Variants in NFE2L3 observed in about 807,000 individuals in gnomAD.
The protein encoded by NFE2L3 is nuclear factor erythroid 2-related factor 3.
NFE2L3 carries 18 observed loss-of-function variants against 23.5 expected under a neutral mutation model. That is an observed-to-expected ratio of 0.77 (90% CI 0.53 to 1.13). NFE2L3 has a LOEUF of 1.13. Ranked by LOEUF, NFE2L3 falls within the 50% of genes most tolerant of loss-of-function variation. The probability of loss-of-function intolerance (pLI) is 0.00; values close to 1 mark genes in which losing one functional copy is unlikely to be tolerated. For synonymous variants in NFE2L3, 424 were observed against 354.5 expected (o/e 1.20, Z -2.20); for missense variants, 1,152 against 877.2 (o/e 1.31, Z -3.96).
intron 1 of NFE2L3, among the ~76,000 whole-genome samples, chr7:26,176,536 A>T (rs79472235): frequency 0.26 from 20,131 of 76,128 alleles, 2,645 homozygotes; most frequent in South Asian, 0.33. Context: ...CGCTCCTCAC[A>T]TCCCAGACGG....
chr7:26,153,433 G>C (rs1784030352), intron 1 of NFE2L3, among the ~76,000 whole-genome samples: 1 of 152,160 alleles, frequency 6.6e-6, no homozygotes, highest in Non-Finnish European at 1.5e-5. Flanking sequence ...ACCCGTGCCC[G>C]ACCTGGACGA....
chr7:26,173,038 CATTT>C (rs746651276), intron 1 of NFE2L3, among the ~76,000 whole-genome samples: 3 of 151,706 alleles, frequency 2.0e-5, no homozygotes, highest in Non-Finnish European at 2.9e-5. Flanking sequence ...CTTTTTCCTT[CATTT>C]ATTTGTTTAT....
At chr7:26,175,859 T>C (rs998850226) in intron 1 of NFE2L3, among the ~76,000 whole-genome samples, 18 of 149,894 alleles carry the variant, frequency 1.2e-4, no homozygotes, top group South Asian at 6.3e-4. Context: ...TTTTCTTTTT[T>C]TTTTTTTTTT....
intron 1 of NFE2L3, among the ~76,000 whole-genome samples, chr7:26,159,648 A>G (rs1318985230): frequency 6.6e-6 from 1 of 152,244 alleles, no homozygotes; most frequent in Non-Finnish European, 1.5e-5. Flanking sequence ...ACTAGAAAGT[A>G]GGTCAGATCT....
intron 3 of NFE2L3, 63 bp from the exon 4 acceptor site, chr7:26,184,470 G>GT (rs1040114859): frequency 1.4e-6 from 2 of 1,448,500 alleles, no homozygotes; most frequent in African/African-American, 1.4e-5. Flanking sequence ...AAGTTGTTAG[G>GT]TAATAGAACT....
chr7:26,177,464 G>A (rs1456936933), intron 1 of NFE2L3, among the ~76,000 whole-genome samples: 1 of 152,210 alleles, frequency 6.6e-6, no homozygotes, highest in Non-Finnish European at 1.5e-5. Flanking sequence ...AGGCATGGCG[G>A]CGCGTCCCTG....
intron 2 of NFE2L3, among the ~76,000 whole-genome samples, chr7:26,178,751 C>G (rs1458173927): frequency 2.0e-5 from 3 of 152,182 alleles, no homozygotes; most frequent in African/African-American, 7.2e-5. Flanking sequence ...TTGGGCTGTA[C>G]TCTGATTTCT....
rs535281445 is a variant in NFE2L3, at chr7:26,179,825, G to C, written c.750+1703G>C. Among the ~76,000 whole-genome samples the C allele has an allele frequency of 3.9e-5, 6 of 152,296 alleles. No homozygotes were observed. In the South Asian group the frequency reaches 1.2e-3, roughly 32 times the overall value. On this transcript the variant is annotated intron_variant, in intron 2 of 3. Transcript: ENST00000056233. ...AGGGTGTGGGGTGCTAAGAACATAG[G>C]AAATTGTTTCTCTTGACCACGCGAT...
At chr7:26,176,435 G>C (rs900619746) in intron 1 of NFE2L3, among the ~76,000 whole-genome samples, 1 of 152,244 alleles carries the variant, frequency 6.6e-6, no homozygotes, top group Non-Finnish European at 1.5e-5. Flanking sequence ...AGATTGCACA[G>C]CAGCCAGGCA....
chr7:26,152,374 T>A lies in NFE2L3; in HGVS notation c.-125T>A. The stretch of plus-strand genomic sequence containing the variant: ...GACGGCCGCCACGCGCCCCGGTCCA[T>A]TGTTTCGCTTATCTGGGTTCCAGGC... On this transcript the variant is annotated 5_prime_UTR_variant, in exon 1 of 4. The change creates a new upstream start codon in the 5' untranslated region. Transcript: ENST00000056233. This position sits in a 1 kb window ranked among gnomAD's most constrained non-coding sequence, Gnocchi z 4.4. 1 of 526,594 alleles carries A rather than the reference T, an allele frequency of 1.9e-6. No homozygotes were observed. Among genetic ancestry groups the A allele is most frequent in the Non-Finnish European group, 2.6e-6 (1 of 379,124 alleles). The allele number at this position is 526,594 out of a possible 1,614,324, so 32.6% of individuals were successfully genotyped here. A position where few individuals can be genotyped will look rare whatever the true frequency, so the allele number is the denominator to read the frequency against.
chr7:26,186,021 T>A lies in NFE2L3; in HGVS notation c.*238T>A. The A allele has an allele frequency of 2.7e-6, 1 of 369,190 alleles. No homozygotes were observed. Among genetic ancestry groups the A allele is most frequent in the Non-Finnish European group, 4.9e-6 (1 of 205,876 alleles). The allele number at this position is 369,190 out of a possible 1,614,324, so 22.9% of individuals were successfully genotyped here. A position where few individuals can be genotyped will look rare whatever the true frequency, so the allele number is the denominator to read the frequency against. On this transcript the variant is annotated 3_prime_UTR_variant, in exon 4 of 4. Coordinates refer to ENST00000056233, the MANE Select transcript of NFE2L3 (RefSeq NM_004289.7). ...TGAAGTGCATTGTATACAAAATTCA[T>A]AGTTATGTCCAAAGAATAGGTTAAC... is the stretch of plus-strand genomic sequence containing the variant.
At chr7:26,172,751 C>T (rs899380231) in intron 1 of NFE2L3, among the ~76,000 whole-genome samples, 2 of 152,142 alleles carry the variant, frequency 1.3e-5, no homozygotes, top group African/African-American at 4.8e-5. Flanking sequence ...GGTATTGTGT[C>T]CTCCATATCA....
chr7:26,154,086 T>G (rs1459246243), intron 1 of NFE2L3, among the ~76,000 whole-genome samples: 1 of 152,208 alleles, frequency 6.6e-6, no homozygotes, highest in Non-Finnish European at 1.5e-5. Flanking sequence ...TGTAGGCTGT[T>G]GCCAGACAAG....
chr7:26,180,284 C>T (rs1784483341), intron 2 of NFE2L3, among the ~76,000 whole-genome samples: 1 of 152,148 alleles, frequency 6.6e-6, no homozygotes, highest in African/African-American at 2.4e-5. Flanking sequence ...CCAAGGAACC[C>T]TCCCATTTTC....
intron 2 of NFE2L3, among the ~76,000 whole-genome samples, chr7:26,182,297 C>T (rs1481674235): frequency 4.4e-5 from 6 of 137,144 alleles, no homozygotes; most frequent in African/African-American, 1.6e-4. Flanking sequence ...ATATTTTTAC[C>T]AGTTAACTCA....
intron 3 of NFE2L3, chr7:26,184,242 TATAA>T: frequency 2.6e-6 from 1 of 381,322 alleles, no homozygotes; most frequent in South Asian, 3.6e-5. Flanking sequence ...TGCATCTTAT[TATAA>T]AGTAGCAAAT....
intron 1 of NFE2L3, among the ~76,000 whole-genome samples, chr7:26,164,841 G>A (rs1275766977): frequency 6.6e-6 from 1 of 152,194 alleles, no homozygotes; most frequent in Admixed American, 6.5e-5. Flanking sequence ...TGTATAAGGT[G>A]TAAGGAAAGG....
chr7:26,165,443 CTGTT>C (rs1472124062), intron 1 of NFE2L3, among the ~76,000 whole-genome samples: 1 of 152,190 alleles, frequency 6.6e-6, no homozygotes, highest in African/African-American at 2.4e-5. Context: ...TGATTTGGCT[CTGTT>C]TGTCTGTTAT....
Position 26,178,005 on chromosome 7 carries a change from T to C in NFE2L3, c.633T>C (p.Asn211=). The C allele has an allele frequency of 2.5e-6, 4 of 1,613,874 alleles. No individual in the cohort carries two copies. Among genetic ancestry groups the C allele is most frequent in the Non-Finnish European group, 3.4e-6 (4 of 1,179,954 alleles). The change falls in exon 2 of 4, where the codon AAT becomes AAC. Residue 211 remains asparagine (N), a synonymous_variant. Transcript: ENST00000056233. ...AVDHSSQHEE[N]EERVSAQKEN... is the part of the protein sequence containing the mutation. ...ATCATAGTTCCCAGCATGAGGAAAA[T>C]GAAGAAAGGGTGTCAGCCCAGAAGG...
Sources: allele counts gnomAD v4.1 joint callset (sites outside exome capture counted in the v4.1 genomes callset), GRCh38; gene constraint gnomAD v4.1.1; non-coding constraint Gnocchi (gnomAD v3.1); transcripts MANE v1.5; gene names NCBI Gene and HGNC (gene_info 2026-07-23, HGNC 2026-07-21).